OPRM1: variants seen among roughly 807,000 people sequenced by gnomAD.
OPRM1 encodes opioid receptor mu 1, also known as mu-type opioid receptor.
In OPRM1, 27 loss-of-function variants were observed where a neutral mutation model predicts 31.8. The ratio of observed to expected loss-of-function variants is 0.85; its 90% confidence interval spans 0.63 to 1.17. The LOEUF is 1.17. OPRM1 is among the 50% of genes most tolerant of loss of function. The pLI is 0.00. For synonymous variants in OPRM1, 196 were observed against 189.9 expected, an observed-to-expected ratio of 1.03 and a Z score of -0.26; for missense variants, 536 against 511.1, an observed-to-expected ratio of 1.05 and a Z score of -0.47.
At chr6:154,107,087 A>G (rs920026375) in intron 3 of OPRM1, among the ~76,000 whole-genome samples, 2 of 152,218 alleles carry the variant, frequency 1.3e-5, no homozygotes, top group South Asian at 2.1e-4. Flanking sequence ...ACATATAAAT[A>G]TAGAGACAGA....
chr6:154,066,997 A>G (rs1181837023), intron 1 of OPRM1, among the ~76,000 whole-genome samples: 1 of 152,118 alleles, frequency 6.6e-6, no homozygotes, highest in Non-Finnish European at 1.5e-5. Flanking sequence ...CATTTTATTT[A>G]TGTACAAAAA....
At position 154,228,304 on chromosome 6, in the gene OPRM1, T is replaced by TAA. The variant is rs11303578; in HGVS notation, c.1165-18375_1165-18374dup. ...AACATAGGCAGACCTTGTCTCTGTT[T>TAA]AAAAAAAAAAAAAAAGTTTCCTCCA... On this transcript the variant is annotated intron_variant, in intron 3 of 3. Coordinates refer to the OPRM1 transcript ENST00000337049. 5.4e-3 allele frequency among the ~76,000 whole-genome samples: 800 copies of TAA among 147,168 alleles called. 4 individuals carry two copies. Among genetic ancestry groups the TAA allele is most frequent in the Middle Eastern group, 0.038 (11 of 288 alleles).
intron 3 of OPRM1, among the ~76,000 whole-genome samples, chr6:154,215,882 G>A (rs948430863): frequency 1.3e-5 from 2 of 152,114 alleles, no homozygotes; most frequent in Non-Finnish European, 2.9e-5. Flanking sequence ...AAATTTCTCA[G>A]CCTCAATAGT....
chr6:154,037,652 T>C (rs536122046), upstream of OPRM1, among the ~76,000 whole-genome samples: 1 of 152,230 alleles, frequency 6.6e-6, no homozygotes, highest in Middle Eastern at 3.4e-3. Flanking sequence ...AATATAGTGG[T>C]AAGGAGTTAT....
chr6:154,020,296 G>A (rs752356756), intron 1 of OPRM1, among the ~76,000 whole-genome samples: 13 of 152,082 alleles, frequency 8.5e-5, no homozygotes, highest in Non-Finnish European at 1.6e-4. Flanking sequence ...TTCAACAGTG[G>A]CTAGGTGTTT....
intron 3 of OPRM1, chr6:154,219,295 ACT>A (rs1353291981): frequency 6.6e-6 from 1 of 151,854 alleles, no homozygotes; most frequent in African/African-American, 2.4e-5. Flanking sequence ...TTTCTCTGCT[ACT>A]CTGTCTCACT....
At chr6:154,019,593 T>C (rs1032075559) in intron 1 of OPRM1, among the ~76,000 whole-genome samples, 1 of 152,138 alleles carries the variant, frequency 6.6e-6, no homozygotes, top group African/African-American at 2.4e-5. Flanking sequence ...TTGACTTTTC[T>C]ACTGTCTCCA....
intron 3 of OPRM1, among the ~76,000 whole-genome samples, chr6:154,114,367 AT>A (rs1796641072): frequency 6.6e-6 from 1 of 152,098 alleles, no homozygotes; most frequent in African/African-American, 2.4e-5. Flanking sequence ...GTGATTTAGC[AT>A]TGGCTAATTT....
At chr6:154,189,442 A>C (rs1361108879) in intron 3 of OPRM1, among the ~76,000 whole-genome samples, 1 of 152,232 alleles carries the variant, frequency 6.6e-6, no homozygotes, top group Non-Finnish European at 1.5e-5. Flanking sequence ...AATTTTCATT[A>C]AGAGCATTTA....
chr6:154,090,338 G>T (rs1791808108), intron 2 of OPRM1, among the ~76,000 whole-genome samples, 160 bp downstream of exon 2: 1 of 152,130 alleles, frequency 6.6e-6, no homozygotes, highest in South Asian at 2.1e-4. Context: ...CTTAAAAATA[G>T]GAATTTTCCT....
rs1246779662 is a variant in OPRM1, at chr6:154,096,567, A to G, written c.1164+5095A>G. Among the ~76,000 whole-genome samples the G allele has an allele frequency of 2.0e-5, 3 of 152,160 alleles. No homozygotes were observed. The East Asian group carries it at 5.8e-4, about 29-fold the overall frequency. On this transcript the variant is annotated intron_variant, in intron 3 of 3. Transcript: ENST00000330432. ...GCTAGTACTAACAACCACTATAATA[A>G]TAATGCTGCCTTACATTTATATGGC...
chr6:154,163,488 A>T (rs1444862610), intron 3 of OPRM1, among the ~76,000 whole-genome samples: 2 of 152,138 alleles, frequency 1.3e-5, no homozygotes, highest in Non-Finnish European at 1.5e-5. Context: ...TATCAAATCT[A>T]TCATCACTTA....
chr6:154,118,617 C>A, intron 3 of OPRM1, 66 bp from the exon 4 acceptor site: 1 of 1,503,452 alleles, frequency 6.7e-7, no homozygotes, highest in Non-Finnish European at 9.2e-7. Context: ...GCAGAAGATG[C>A]TCAACAAATG....
In OPRM1 at chr6:154,069,479, T is replaced by A. The variant is rs1043283359; in HGVS notation, c.291-20347T>A. 1.6e-4 allele frequency among the ~76,000 whole-genome samples: 25 copies of A among 152,270 alleles called. 1 individual carries two copies. The highest frequency in any genetic ancestry group is 1.2e-3 in the Admixed American group (19 of 15,280). The stretch of plus-strand genomic sequence containing the variant: ...GTCTCGATCACTTGACCTCGTGATC[T>A]GCCCACCTCGGCCTCCCAAAGTGCT... On this transcript the variant is annotated intron_variant, in intron 1 of 3. Transcript: ENST00000330432.
intron 1 of OPRM1, among the ~76,000 whole-genome samples, chr6:154,058,662 G>A (rs1205965855): frequency 6.6e-6 from 1 of 152,078 alleles, no homozygotes; most frequent in East Asian, 1.9e-4. Context: ...GAATAAATTA[G>A]CACCCATTAA....
At chr6:154,203,085 G>A (rs971326142) in intron 3 of OPRM1, among the ~76,000 whole-genome samples, 5 of 152,142 alleles carry the variant, frequency 3.3e-5, no homozygotes, top group Non-Finnish European at 7.3e-5. Context: ...CTAACATTCT[G>A]GAGAAACCAA....
chr6:154,220,524 G>A (rs790265), intron 3 of OPRM1, among the ~76,000 whole-genome samples: 71,032 of 151,996 alleles, frequency 0.47, 16,899 homozygotes, highest in Admixed American at 0.58. Flanking sequence ...GGTGGTGCAC[G>A]CCTGTAACTT....
At chr6:154,162,208 G>A (rs1478328774) in intron 3 of OPRM1, among the ~76,000 whole-genome samples, 2 of 152,174 alleles carry the variant, frequency 1.3e-5, no homozygotes, top group African/African-American at 4.8e-5. Flanking sequence ...CAGCAATTCT[G>A]TTCTCTCCTC....
chr6:154,106,819 T>C (rs1795648512), intron 3 of OPRM1, among the ~76,000 whole-genome samples: 1 of 152,218 alleles, frequency 6.6e-6, no homozygotes, highest in Non-Finnish European at 1.5e-5. Context: ...TGAACAATTT[T>C]CAAAAGTCAA....
Sources: allele counts gnomAD v4.1 joint callset (sites outside exome capture counted in the v4.1 genomes callset), GRCh38; gene constraint gnomAD v4.1.1; transcripts MANE v1.5; gene names NCBI Gene and HGNC (gene_info 2026-07-23, HGNC 2026-07-21).